The following ZFHX4 variants were observed in gnomAD, a reference collection of about 807,000 sequenced individuals.
ZFHX4 encodes the protein zinc finger homeobox protein 4.
In ZFHX4, 56 loss-of-function variants were observed where a neutral mutation model predicts 267.6. That is an observed-to-expected ratio of 0.21 (90% CI 0.17 to 0.26). The LOEUF (loss-of-function observed/expected upper bound fraction) is 0.26. Among genes scored for constraint, ZFHX4 ranks in the 10% least tolerant of loss-of-function variants. The probability of loss-of-function intolerance (pLI) is 1.00; values close to 1 mark genes in which losing one functional copy is unlikely to be tolerated. For synonymous variants in ZFHX4, 1,778 were observed against 1,665.6 expected, an observed-to-expected ratio of 1.07 and a Z score of -1.64; for missense variants, 4,332 against 4,420.0, an observed-to-expected ratio of 0.98 and a Z score of 0.56.
intron 3 of ZFHX4, among the ~76,000 whole-genome samples, chr8:76,756,374 A>G (rs201332191): frequency 1.3e-5 from 2 of 152,076 alleles, no homozygotes; most frequent in Non-Finnish European, 2.9e-5. Context: ...TTTGTTCAAG[A>G]CACATTTTTT....
intron 3 of ZFHX4, among the ~76,000 whole-genome samples, chr8:76,738,498 G>A (rs1186233892): frequency 6.6e-6 from 1 of 152,090 alleles, no homozygotes; most frequent in Non-Finnish European, 1.5e-5. Context: ...CTGAACCAAA[G>A]CCACCGATTT....
chr8:76,836,610 G>A (rs746474237), intron 5 of ZFHX4, among the ~76,000 whole-genome samples: 1 of 152,042 alleles, frequency 6.6e-6, no homozygotes, highest in Non-Finnish European at 1.5e-5. Flanking sequence ...ATGAGGGAGT[G>A]AGGAGGAGTG....
chr8:76,826,184 A>C (rs1240445213), intron 4 of ZFHX4, among the ~76,000 whole-genome samples: 3 of 152,168 alleles, frequency 2.0e-5, no homozygotes, highest in Admixed American at 6.5e-5. Flanking sequence ...GGGAGAGGGA[A>C]GGGGAAGGTC....
intron 3 of ZFHX4, 140 bp from the exon 4 acceptor site, chr8:76,778,068 G>C: frequency 1.6e-6 from 1 of 631,824 alleles, no homozygotes; most frequent in Non-Finnish European, 2.9e-6. Flanking sequence ...TCAGGTGGTA[G>C]GCTGGGCTGC....
chr8:76,822,434 C>T (rs951306064), intron 4 of ZFHX4, among the ~76,000 whole-genome samples: 3 of 146,232 alleles, frequency 2.1e-5, no homozygotes, highest in African/African-American at 7.6e-5. Context: ...CAATCACTAT[C>T]TGATCCTGTG....
At chr8:76,850,094 G>T in intron 8 of ZFHX4, 151 bp from the exon 9 acceptor site, 1 of 622,096 alleles carries the variant, frequency 1.6e-6, no homozygotes. Flanking sequence ...AAAGTGGCAA[G>T]GTGTGGCATT....
At chr8:76,830,860 G>A (rs1170407122) in intron 4 of ZFHX4, among the ~76,000 whole-genome samples, 1 of 152,086 alleles carries the variant, frequency 6.6e-6, no homozygotes, top group Non-Finnish European at 1.5e-5. Flanking sequence ...ATTTTCACAG[G>A]TCTAGAGAAA....
chr8:76,709,979 G>T (rs79465205), intron 3 of ZFHX4, among the ~76,000 whole-genome samples: 16,991 of 151,976 alleles, frequency 0.11, 1,563 homozygotes, highest in African/African-American at 0.25. Flanking sequence ...TAAGACAAAA[G>T]CATGATTATA....
intron 5 of ZFHX4, among the ~76,000 whole-genome samples, chr8:76,836,339 A>G (rs144984447): frequency 6.6e-6 from 1 of 152,162 alleles, no homozygotes; most frequent in Non-Finnish European, 1.5e-5. Flanking sequence ...AGACCTACTG[A>G]ATCAGAGACA....
chr8:76,813,776 T>C (rs2131849465), intron 4 of ZFHX4, among the ~76,000 whole-genome samples: 1 of 152,304 alleles, frequency 6.6e-6, no homozygotes, highest in South Asian at 2.1e-4. Context: ...ATCTGTGTTC[T>C]ATGTAAGAGT....
Position 76,706,390 on chromosome 8 carries a change from C to G in ZFHX4, c.2302C>G (p.Arg768Gly). Residue 768 changes from arginine to glycine, a missense_variant, in exon 2 of 11, where the codon CGG becomes GGG. By Grantham distance (125) the Arg-to-Gly change is moderately radical. Coordinates refer to ENST00000651372, the MANE Select transcript of ZFHX4 (RefSeq NM_024721.5). ...PSKPKQKPTW[R>G]CEVCDYETNV... ...CAAACCCAAACAGAAACCCACCTGG[C>G]GGTGTGAAGTTTGTGATTATGAAAC... The G allele has an allele frequency of 3.1e-6, 5 of 1,614,110 alleles. No homozygotes were observed. The highest frequency in any genetic ancestry group is 4.2e-6 in the Non-Finnish European group (5 of 1,179,988).
chr8:76,701,782 C>T (rs780608872), intron 1 of ZFHX4, among the ~76,000 whole-genome samples: 16 of 152,130 alleles, frequency 1.1e-4, no homozygotes, highest in Non-Finnish European at 2.2e-4. Flanking sequence ...GCTTTCCTCA[C>T]TCTTTCTAAT....
chr8:76,736,570 A>G (rs1170774184), intron 3 of ZFHX4, among the ~76,000 whole-genome samples: 1 of 149,568 alleles, frequency 6.7e-6, no homozygotes, highest in East Asian at 2.0e-4. Flanking sequence ...GAAAAACAGA[A>G]ACAAAGAATC....
At chr8:76,805,364 A>G (rs1420497540) in intron 4 of ZFHX4, among the ~76,000 whole-genome samples, 1 of 152,180 alleles carries the variant, frequency 6.6e-6, no homozygotes, top group African/African-American at 2.4e-5. Flanking sequence ...GGAAAAATGC[A>G]TCTAAAAGAA....
intron 5 of ZFHX4, among the ~76,000 whole-genome samples, chr8:76,839,053 AAGAGAG>A (rs35873786): frequency 0.058 from 6,260 of 107,316 alleles, 260 homozygotes; most frequent in African/African-American, 0.13. Context: ...CTCTGTCTGA[AAGAGAG>A]AGAGAGAGAG....
At chr8:76,709,792 C>T (rs887544377) in intron 3 of ZFHX4, among the ~76,000 whole-genome samples, 10 of 139,582 alleles carry the variant, frequency 7.2e-5, no homozygotes, top group Non-Finnish European at 1.1e-4. Flanking sequence ...CGTGTGTGTG[C>T]GTGTGTGTGC....
intron 4 of ZFHX4, among the ~76,000 whole-genome samples, chr8:76,803,957 T>G (rs1396927413): frequency 1.3e-5 from 2 of 152,126 alleles, no homozygotes; most frequent in African/African-American, 4.8e-5. Context: ...CATTAACATT[T>G]GATTATAATT....
At chr8:76,819,870 G>A (rs1213701879) in intron 4 of ZFHX4, among the ~76,000 whole-genome samples, 1 of 152,086 alleles carries the variant, frequency 6.6e-6, no homozygotes, top group East Asian at 1.9e-4. Flanking sequence ...AAGCAACTTG[G>A]GCAAATTAGA....
chr8:76,817,205 T>C (rs1238005678), intron 4 of ZFHX4, among the ~76,000 whole-genome samples: 1 of 152,182 alleles, frequency 6.6e-6, no homozygotes, highest in African/African-American at 2.4e-5. Flanking sequence ...CTGCAATTCC[T>C]GTGCTTAAAA....
Sources: gnomAD v4.1 joint callset for allele counts (sites outside exome capture counted in the v4.1 genomes callset) on GRCh38, gnomAD v4.1.1 for gene constraint, MANE v1.5 for transcripts, NCBI Gene and HGNC (gene_info 2026-07-23, HGNC 2026-07-21) for gene names.